The following GLIPR1L2 variants were observed in gnomAD, a reference collection of about 807,000 sequenced individuals.
GLIPR1L2 encodes GLIPR1 like 2.
GLIPR1L2 carries 21 observed loss-of-function variants against 28.4 expected under a neutral mutation model. The observed-to-expected ratio is 0.74, with a 90% CI of 0.52 to 1.06. The LOEUF (loss-of-function observed/expected upper bound fraction) is 1.06. Ranked by LOEUF, GLIPR1L2 falls within the 50% of genes least tolerant of loss-of-function variation. The pLI is 0.00. For missense variants in GLIPR1L2, 476 were observed against 416.9 expected, an observed-to-expected ratio of 1.14 and a Z score of -1.23; for synonymous variants, 145 against 139.3, an observed-to-expected ratio of 1.04 and a Z score of -0.29.
chr12:75,392,228 TATG>T (rs1289427631), intron 1 of GLIPR1L2, among the ~76,000 whole-genome samples: 2 of 152,220 alleles, frequency 1.3e-5, no homozygotes, highest in African/African-American at 4.8e-5. Flanking sequence ...AAATTAAGGG[TATG>T]ATATTTTTTA....
In GLIPR1L2 at chr12:75,427,198, A is replaced by C. The variant is rs148374358; in HGVS notation, c.671-3517A>C. Reference sequence around the variant, plus strand: ...AAAGCTGACAAACAATAGAGGTGTAAGTAAGTTTAAATGTATGTAACTATT... The same window carrying C: ...AAAGCTGACAAACAATAGAGGTGTACGTAAGTTTAAATGTATGTAACTATT... On this transcript the variant is annotated intron_variant, in intron 4 of 5. Transcript: ENST00000550916. Among the ~76,000 whole-genome samples the C allele has an allele frequency of 6.4e-4, 95 of 149,548 alleles. No homozygotes were observed. In the East Asian group the frequency reaches 1.0e-2, roughly 16 times the overall value.
At chr12:75,400,526 A>T (rs1000411016) in intron 1 of GLIPR1L2, among the ~76,000 whole-genome samples, 2 of 152,214 alleles carry the variant, frequency 1.3e-5, no homozygotes, top group Non-Finnish European at 2.9e-5. Flanking sequence ...GTATATTTGA[A>T]TAGAAAATAG....
At chr12:75,413,486 T>A in intron 2 of GLIPR1L2, 112 bp from the exon 3 acceptor site, 1 of 638,972 alleles carries the variant, frequency 1.6e-6, no homozygotes, top group Non-Finnish European at 2.7e-6. Flanking sequence ...AGTTTATATT[T>A]CTTGAATTGC....
intron 4 of GLIPR1L2, among the ~76,000 whole-genome samples, chr12:75,429,100 C>T (rs1594035273): frequency 6.6e-6 from 1 of 152,172 alleles, no homozygotes; most frequent in East Asian, 1.9e-4. Flanking sequence ...AGAGGGCCAC[C>T]ATCCTCCAGA....
At chr12:75,407,256 CTG>C (rs757917333) in intron 1 of GLIPR1L2, among the ~76,000 whole-genome samples, 4 of 152,092 alleles carry the variant, frequency 2.6e-5, no homozygotes, top group Admixed American at 6.6e-5. Context: ...GCCTTCATTA[CTG>C]TGTTAACAAG....
chr12:75,427,857 TGTC>T (rs2046050043), intron 4 of GLIPR1L2, among the ~76,000 whole-genome samples: 1 of 152,214 alleles, frequency 6.6e-6, no homozygotes, highest in African/African-American at 2.4e-5. Context: ...CTTCACCCTC[TGTC>T]ATGACTGGAA....
chr12:75,401,506 G>T (rs868690892), intron 1 of GLIPR1L2, among the ~76,000 whole-genome samples: 1 of 151,844 alleles, frequency 6.6e-6, no homozygotes, highest in African/African-American at 2.4e-5. Flanking sequence ...ATAATTGTGG[G>T]ATGTTTTCTA....
At chr12:75,408,951 G>A (rs1361901139) in intron 1 of GLIPR1L2, among the ~76,000 whole-genome samples, 1 of 151,950 alleles carries the variant, frequency 6.6e-6, no homozygotes, top group African/African-American at 2.4e-5. Flanking sequence ...TATTCTAAAG[G>A]TCTGATATGT....
intron 1 of GLIPR1L2, among the ~76,000 whole-genome samples, chr12:75,401,392 G>A (rs2045740134): frequency 1.3e-5 from 2 of 150,814 alleles, no homozygotes; most frequent in Admixed American, 6.6e-5. Context: ...GAAAAAAAAA[G>A]GTATAATCCA....
intron 3 of GLIPR1L2, among the ~76,000 whole-genome samples, chr12:75,421,185 G>A (rs1413335638): frequency 1.3e-5 from 2 of 151,638 alleles, no homozygotes; most frequent in Admixed American, 6.5e-5. Flanking sequence ...CCAGGGTGTA[G>A]CTAAAGGTGA....
At chr12:75,403,622 T>C (rs1252392443) in intron 1 of GLIPR1L2, among the ~76,000 whole-genome samples, 2 of 152,158 alleles carry the variant, frequency 1.3e-5, no homozygotes. Flanking sequence ...AAACTTCAAA[T>C]CTCTGCACAC....
intron 4 of GLIPR1L2, 92 bp downstream of exon 4, chr12:75,423,081 ATAT>A (rs2045995459): frequency 1.9e-6 from 3 of 1,597,434 alleles, no homozygotes; most frequent in Middle Eastern, 3.8e-4. Flanking sequence ...GGTCATGTTA[ATAT>A]TATTCCTTTG....
chr12:75,404,051 G>C (rs1307959834), intron 1 of GLIPR1L2, among the ~76,000 whole-genome samples: 1 of 152,110 alleles, frequency 6.6e-6, no homozygotes, highest in Non-Finnish European at 1.5e-5. Flanking sequence ...AAAAGCATTA[G>C]CCCTCATATT....
chr12:75,403,245 C>T (rs781589969), intron 1 of GLIPR1L2: 13 of 395,058 alleles, frequency 3.3e-5, no homozygotes, highest in Non-Finnish European at 6.5e-5. Context: ...CTCTCTGAAG[C>T]TGGATTACAG....
intron 4 of GLIPR1L2, among the ~76,000 whole-genome samples, chr12:75,425,889 G>T (rs2046029664): frequency 6.6e-6 from 1 of 151,894 alleles, no homozygotes; most frequent in African/African-American, 2.4e-5. Flanking sequence ...TGAATCTTAT[G>T]GTGGTGAATT....
rs761514357 is a variant in GLIPR1L2 at position 75,410,465 on chromosome 12, G to T, written c.266G>T (p.Arg89Ile). Reference protein sequence around the residue: ...TWDVALSRTARAWGKKCLFTH... With the variant: ...TWDVALSRTAIAWGKKCLFTH... ...GATGTAGCTTTATCACGGACTGCTA[G>T]AGCATGGGGAAAAAAATGTTTGTTT... The change falls in exon 2 of 6, where the codon AGA (arginine) becomes ATA (isoleucine). Residue 89 changes from arginine (R) to isoleucine (I), a missense_variant. Transcript: ENST00000550916. 10 of 1,608,374 alleles carry T rather than the reference G, an allele frequency of 6.2e-6. No homozygotes were observed. Among genetic ancestry groups the T allele is most frequent in the Non-Finnish European group, 8.5e-6 (10 of 1,176,880 alleles).
intron 4 of GLIPR1L2, among the ~76,000 whole-genome samples, chr12:75,430,114 A>C (rs754664904): frequency 1.1e-4 from 17 of 151,896 alleles, no homozygotes; most frequent in Non-Finnish European, 2.2e-4. Context: ...ACCCAGTCTC[A>C]GGTAGTTCTT....
At chr12:75,401,111 C>G (rs1388950782) in intron 1 of GLIPR1L2, among the ~76,000 whole-genome samples, 2 of 151,598 alleles carry the variant, frequency 1.3e-5, no homozygotes, top group African/African-American at 4.8e-5. Flanking sequence ...GAAACTTCAT[C>G]AAGCCTGTAA....
At chr12:75,408,394 A>G (rs2045825747) in intron 1 of GLIPR1L2, among the ~76,000 whole-genome samples, 1 of 151,452 alleles carries the variant, frequency 6.6e-6, no homozygotes, top group Non-Finnish European at 1.5e-5. Flanking sequence ...TAAACTACTT[A>G]ACCTCTTTGT....
Sources: allele counts gnomAD v4.1 joint callset (sites outside exome capture counted in the v4.1 genomes callset), GRCh38; gene constraint gnomAD v4.1.1; transcripts MANE v1.5; gene names NCBI Gene and HGNC (gene_info 2026-07-23, HGNC 2026-07-21).